The following PIK3C2B variants were observed in gnomAD, a reference collection of about 807,000 sequenced individuals.
The protein encoded by PIK3C2B is phosphatidylinositol-4-phosphate 3-kinase catalytic subunit type 2 beta.
A neutral mutation model predicts 184.3 loss-of-function variants in PIK3C2B; 83 were observed. That is an observed-to-expected ratio of 0.45 (90% CI 0.38 to 0.54). PIK3C2B has a LOEUF of 0.54. Among genes scored for constraint, PIK3C2B ranks in the 20% least tolerant of loss-of-function variants. PIK3C2B has a pLI of 0.00. For synonymous variants in PIK3C2B, 779 were observed against 837.6 expected (o/e 0.93, Z 1.21); for missense variants, 1,736 against 2,113.5 (o/e 0.82, Z 3.50).
chr1:204,450,011 G>C lies in PIK3C2B; in HGVS notation c.2073C>G (p.Cys691Trp), dbSNP rs17847749. The C allele has an allele frequency of 1.6e-4, 257 of 1,565,704 alleles. 1 individual carries two copies. In the East Asian group the frequency reaches 5.7e-3, roughly 35 times the overall value. Residue 691 changes from cysteine to tryptophan, a missense_variant, in exon 13 of 33, where the codon TGC (cysteine) becomes TGG (tryptophan). Coordinates refer to ENST00000684373, the MANE Select transcript of PIK3C2B (RefSeq NM_001377334.1). Reference protein sequence around the residue: ...FHLIVWDQQICFPVQVNRLPR... With the variant: ...FHLIVWDQQIWFPVQVNRLPR... Reference sequence around the variant, plus strand: ...GCAGCCGGTTCACCTGCACTGGGAAGCAGATCCTATGGAGGACAGGAAGTC... The same window carrying C: ...GCAGCCGGTTCACCTGCACTGGGAACCAGATCCTATGGAGGACAGGAAGTC...
chr1:204,457,571 G>A (rs905371746), intron 9 of PIK3C2B, among the ~76,000 whole-genome samples, 157 bp downstream of exon 9: 2 of 152,238 alleles, frequency 1.3e-5, no homozygotes, highest in Admixed American at 1.3e-4. Flanking sequence ...CATTTCTGAA[G>A]AGCTCTTGCG....
Position 204,425,050 on chromosome 1 carries a change from T to A in PIK3C2B, c.4717-10A>T. 6.2e-7 allele frequency: 1 copy of A among 1,608,116 alleles called. No individual in the cohort carries two copies. The highest frequency in any genetic ancestry group is 1.1e-5 in the South Asian group (1 of 90,734). On this transcript the variant is annotated splice_polypyrimidine_tract_variant and intron_variant, in intron 32 of 32. Coordinates refer to ENST00000684373, the MANE Select transcript of PIK3C2B (RefSeq NM_001377334.1). ...TCCCATCATATACCAACTGCAAACA[T>A]AGAGATGGGTGAGGGAAGTGGTGAG...
Position 204,475,602 on chromosome 1 carries a change from A to C in PIK3C2B, c.-84-5716T>G, listed in dbSNP as rs113965677. On this transcript the variant is annotated intron_variant, in intron 1 of 32. Transcript: ENST00000684373. The stretch of plus-strand genomic sequence containing the variant: ...TAACCAGGTTGGATTGGCATCTGTA[A>C]GGCAGGGGCAAGGATGGCAAGAAAA... 6.6e-4 allele frequency among the ~76,000 whole-genome samples: 100 copies of C among 152,286 alleles called. 1 individual carries two copies. The highest frequency in any genetic ancestry group is 2.4e-3 in the African/African-American group (100 of 41,570).
intron 2 of PIK3C2B, among the ~76,000 whole-genome samples, chr1:204,466,264 G>A (rs552770844): frequency 3.9e-5 from 6 of 152,336 alleles, no homozygotes; most frequent in East Asian, 1.9e-4. Flanking sequence ...AGATAAGGCC[G>A]GCATGTGGTT....
At position 204,453,923 on chromosome 1, in the gene PIK3C2B, G is replaced by A. The variant is rs11585895; in HGVS notation, c.2066+746C>T. On this transcript the variant is annotated intron_variant, in intron 12 of 32. Transcript: ENST00000684373. The stretch of plus-strand genomic sequence containing the variant: ...CTAGTAGCTGGGATTACAGGCATGC[G>A]CCACCATGCCCGGCTATTTTGTATT... Among the ~76,000 whole-genome samples the A allele has an allele frequency of 6.3e-3, 951 of 151,796 alleles. 3 individuals carry two copies. Among genetic ancestry groups the A allele is most frequent in the Middle Eastern group, 0.017 (5 of 290 alleles).
chr1:204,430,804 G>A (rs1436366012), intron 28 of PIK3C2B, among the ~76,000 whole-genome samples: 1 of 151,352 alleles, frequency 6.6e-6, no homozygotes, highest in Non-Finnish European at 1.5e-5. Context: ...GATTATAAAA[G>A]CATGCCACCA....
intron 9 of PIK3C2B, among the ~76,000 whole-genome samples, 199 bp from the exon 10 acceptor site, chr1:204,457,269 A>G (rs1013326864): frequency 1.3e-5 from 2 of 152,158 alleles, no homozygotes. Context: ...GGAGGATAGC[A>G]ATCATCGGGT....
intron 14 of PIK3C2B, 55 bp downstream of exon 14, chr1:204,449,130 A>C: frequency 8.1e-7 from 1 of 1,227,038 alleles, no homozygotes; most frequent in Non-Finnish European, 1.2e-6. Flanking sequence ...AGAAAAATGT[A>C]GAGTTGACTG....
intron 19 of PIK3C2B, 85 bp from the exon 20 acceptor site, chr1:204,442,718 T>C (rs1484410804): frequency 1.1e-6 from 1 of 885,752 alleles, no homozygotes; most frequent in South Asian, 1.5e-5. Context: ...GGGTTCTCCG[T>C]AGTAGTCGGT....
At position 204,447,670 on chromosome 1, in the gene PIK3C2B, TC is replaced by T; in HGVS notation, c.2347-93del. 1.1e-6 allele frequency: 1 copy of T among 874,860 alleles called. No individual in the cohort carries two copies. 54.2% of individuals were successfully genotyped at this position (874,860 alleles called of 1,614,324 possible). A position where few individuals can be genotyped will look rare whatever the true frequency, so the allele number is the denominator to read the frequency against. ...CTCTCACCCCAGCATTCCGGCCTTGTCCCTCCCTCACTTTCCCTCAGGTTCT... is the reference window on the plus strand; with the variant it reads ...CTCTCACCCCAGCATTCCGGCCTTGTCCTCCCTCACTTTCCCTCAGGTTCT... On this transcript the variant is annotated intron_variant, in intron 14 of 32. Transcript: ENST00000684373. This position sits in a 1 kb window ranked among gnomAD's most constrained non-coding sequence, Gnocchi z 4.1.
intron 1 of PIK3C2B, 44 bp from the exon 2 acceptor site, chr1:204,469,930 T>C: frequency 1.6e-6 from 1 of 630,580 alleles, no homozygotes; most frequent in Non-Finnish European, 2.8e-6. Context: ...CAAAGAGAGA[T>C]TTACTAATCA....
chr1:204,485,398 T>C (rs1351977770), intron 1 of PIK3C2B, among the ~76,000 whole-genome samples: 3 of 150,644 alleles, frequency 2.0e-5, no homozygotes, highest in African/African-American at 7.4e-5. Flanking sequence ...ATTATTCTTT[T>C]ACCTGAAAAA....
intron 1 of PIK3C2B, among the ~76,000 whole-genome samples, chr1:204,485,179 G>T (rs960672724): frequency 6.6e-6 from 1 of 151,984 alleles, no homozygotes; most frequent in Non-Finnish European, 1.5e-5. Context: ...TTCACAAGTG[G>T]CTGGAATTAC....
intron 1 of PIK3C2B, among the ~76,000 whole-genome samples, chr1:204,476,733 T>C (rs560821108): frequency 6.6e-6 from 1 of 152,328 alleles, no homozygotes; most frequent in Non-Finnish European, 1.5e-5. Context: ...AATGCCACTA[T>C]GTCACACAAC....
rs750898717 is a variant in PIK3C2B, at chr1:204,427,753, A to G, written c.4482T>C (p.Asp1494=). 20 of 1,609,122 alleles carry G rather than the reference A, an allele frequency of 1.2e-5. No individual in the cohort carries two copies. In the East Asian group the frequency reaches 1.8e-4, roughly 14 times the overall value. Residue 1494 remains aspartate, a splice_region_variant and synonymous_variant, in exon 31 of 33, where the codon GAT becomes GAC. Coordinates refer to ENST00000684373, the MANE Select transcript of PIK3C2B (RefSeq NM_001377334.1). ...MGTSPAPKSS[D]GTWARPVGKV... is the part of the protein sequence containing the mutation. ...TTCCGACGGGCCGGGCCCATGTGCC[A>G]TCTGTAGGGACAAATGAAACCATGA...
intron 1 of PIK3C2B, among the ~76,000 whole-genome samples, chr1:204,476,347 G>A (rs548153744): frequency 2.0e-5 from 3 of 152,202 alleles, no homozygotes; most frequent in African/African-American, 2.4e-5. Context: ...CGAGGCGGGG[G>A]GATTGCTTGA....
chr1:204,459,468 C>CT (rs1239083767), intron 8 of PIK3C2B, among the ~76,000 whole-genome samples: 1 of 152,222 alleles, frequency 6.6e-6, no homozygotes, highest in Non-Finnish European at 1.5e-5. Flanking sequence ...CTTCTACCTC[C>CT]TGATGGTTTC....
chr1:204,459,248 TTC>T (rs1655125281), intron 8 of PIK3C2B, among the ~76,000 whole-genome samples: 1 of 151,892 alleles, frequency 6.6e-6, no homozygotes, highest in Non-Finnish European at 1.5e-5. Context: ...AACTTTGGGG[TTC>T]AAGCAATTCT....
At chr1:204,455,673 A>G (rs981600672) in intron 11 of PIK3C2B, among the ~76,000 whole-genome samples, 183 bp downstream of exon 11, 1 of 152,128 alleles carries the variant, frequency 6.6e-6, no homozygotes, top group African/African-American at 2.4e-5. Context: ...CTCCTCTAGG[A>G]TGTCCCCAGC....
Sources: allele counts gnomAD v4.1 joint callset (sites outside exome capture counted in the v4.1 genomes callset), GRCh38; gene constraint gnomAD v4.1.1; non-coding constraint Gnocchi (gnomAD v3.1); transcripts MANE v1.5; gene names NCBI Gene and HGNC (gene_info 2026-07-23, HGNC 2026-07-21).